HDAC1: variants seen among roughly 807,000 people sequenced by gnomAD.
HDAC1 encodes protein deacetylase HDAC1.
A neutral mutation model predicts 65.5 loss-of-function variants in HDAC1; 18 were observed. The observed-to-expected ratio is 0.27, with a 90% confidence interval of 0.19 to 0.41. The LOEUF is 0.41. HDAC1 is among the 10% of genes least tolerant of loss of function. The pLI is 1.00. For synonymous variants in HDAC1, 211 were observed against 227.9 expected, an observed-to-expected ratio of 0.93 and a Z score of 0.67; for missense variants, 373 against 625.2, an observed-to-expected ratio of 0.60 and a Z score of 4.30.
intron 1 of HDAC1, among the ~76,000 whole-genome samples, chr1:32,300,826 G>A (rs1640838108): frequency 6.6e-6 from 1 of 152,118 alleles, no homozygotes; most frequent in Non-Finnish European, 1.5e-5. Flanking sequence ...TTTCTATATA[G>A]GGCCAGATAG....
rs1641292124 is a variant in HDAC1 at position 32,331,580 on chromosome 1, C to T, written c.1086C>T (p.Ile362=). ...ACACGAATGAGTACCTGGAGAAGAT[C>T]AAGTGAGTATATCCTCCAGCCACCC... is the stretch of plus-strand genomic sequence containing the variant. ...NQNTNEYLEK[I]KQRLFENLRM... is the part of the protein sequence containing the mutation. Residue 362 remains isoleucine (I), a splice_region_variant and synonymous_variant, in exon 10 of 14, where the codon ATC becomes ATT. Transcript: ENST00000373548. The surrounding 1 kb of genome is among the most constrained non-coding windows in gnomAD (Gnocchi z 4.2). 2.5e-6 allele frequency: 4 copies of T among 1,607,200 alleles called. No homozygotes were observed. The South Asian group carries it at 4.4e-5, about 18-fold the overall frequency.
intron 3 of HDAC1, among the ~76,000 whole-genome samples, chr1:32,317,289 C>G (rs966459417): frequency 7.8e-4 from 118 of 152,192 alleles, no homozygotes; most frequent in Non-Finnish European, 1.9e-4. Flanking sequence ...ATCCCTTGGA[C>G]TTGAACTTCA....
intron 3 of HDAC1, 134 bp downstream of exon 3, chr1:32,316,916 G>A: frequency 1.5e-6 from 1 of 679,108 alleles, no homozygotes; most frequent in Non-Finnish European, 2.7e-6. Context: ...AAAGGTGCCA[G>A]AGTGCTTTTT....
At chr1:32,311,894 G>A (rs932319937) in intron 2 of HDAC1, among the ~76,000 whole-genome samples, 7 of 152,194 alleles carry the variant, frequency 4.6e-5, no homozygotes, top group African/African-American at 1.7e-4. Flanking sequence ...AGTCATCTGT[G>A]TAGAAGGGAT....
chr1:32,304,424 G>A (rs188007339), intron 2 of HDAC1, among the ~76,000 whole-genome samples: 7 of 152,156 alleles, frequency 4.6e-5, no homozygotes, highest in East Asian at 1.9e-4. Context: ...CTCTGCTCCC[G>A]AGAGCTCTGC....
intron 4 of HDAC1, among the ~76,000 whole-genome samples, chr1:32,326,373 C>T (rs977934569): frequency 6.6e-6 from 1 of 152,040 alleles, no homozygotes; most frequent in African/African-American, 2.4e-5. Flanking sequence ...CCATGTTGGC[C>T]AGGCTGGTAT....
At position 32,333,250 on chromosome 1, in the gene HDAC1, G is replaced by A. The variant is rs1470968043; in HGVS notation, c.*206G>A. On this transcript the variant is annotated 3_prime_UTR_variant, in exon 14 of 14. Transcript: ENST00000373548. ...AGCCACCTTGCCACCCATTCTTCCC[G>A]TTCTTAACTTTGAACCATAAAGGGT... 3.2e-5 allele frequency: 15 copies of A among 462,806 alleles called. No homozygotes were observed. The highest frequency in any genetic ancestry group is 3.2e-4 in the East Asian group (9 of 28,452). 28.7% of individuals were successfully genotyped at this position (462,806 alleles called of 1,614,324 possible).
At chr1:32,304,807 G>A (rs1033898815) in intron 2 of HDAC1, among the ~76,000 whole-genome samples, 11 of 151,980 alleles carry the variant, frequency 7.2e-5, no homozygotes, top group Admixed American at 3.3e-4. Context: ...AAAGCAATCC[G>A]CCTGCCTCGG....
intron 4 of HDAC1, among the ~76,000 whole-genome samples, 182 bp from the exon 5 acceptor site, chr1:32,326,757 C>A (rs16834957): frequency 0.02 from 2,688 of 137,572 alleles, 87 homozygotes; most frequent in African/African-American, 0.068. Flanking sequence ...TCGTTTTTTA[C>A]GAGTAGACAG....
intron 2 of HDAC1, among the ~76,000 whole-genome samples, chr1:32,303,882 G>A (rs188297259): frequency 4.3e-4 from 65 of 152,198 alleles, no homozygotes; most frequent in African/African-American, 1.5e-3. Context: ...TTAACCCAGA[G>A]TTTTTGCTTT....
At chr1:32,293,400 T>C (rs543508549) in intron 1 of HDAC1, among the ~76,000 whole-genome samples, 13 of 152,160 alleles carry the variant, frequency 8.5e-5, no homozygotes, top group Admixed American at 3.3e-4. Context: ...AGTTGGACTT[T>C]ATTGAGGGCA....
intron 1 of HDAC1, among the ~76,000 whole-genome samples, chr1:32,297,508 A>G (rs557046974): frequency 6.6e-6 from 1 of 152,286 alleles, no homozygotes; most frequent in East Asian, 1.9e-4. Context: ...GCAGTGACCC[A>G]TAATGGCACC....
chr1:32,321,521 G>T (rs915578253), intron 3 of HDAC1, among the ~76,000 whole-genome samples: 1 of 151,916 alleles, frequency 6.6e-6, no homozygotes, highest in African/African-American at 2.4e-5. Context: ...CTTCCCTTTA[G>T]TCTAAAGCTA....
chr1:32,307,105 C>T (rs770860835), intron 2 of HDAC1, among the ~76,000 whole-genome samples: 1 of 152,044 alleles, frequency 6.6e-6, no homozygotes, highest in Non-Finnish European at 1.5e-5. Context: ...ATTAGCCAGA[C>T]GTGGTGGTGC....
In HDAC1 at chr1:32,297,858, C is replaced by T. The variant is rs1401911739; in HGVS notation, c.50-4763C>T. Among the ~76,000 whole-genome samples, 5 of 140,558 alleles carry T rather than the reference C, an allele frequency of 3.6e-5. No homozygotes were observed. The East Asian group carries it at 6.4e-4, about 18-fold the overall frequency. 92.2% of individuals were successfully genotyped at this position (140,558 alleles called of 152,430 possible). A position where few individuals can be genotyped will look rare whatever the true frequency, so the allele number is the denominator to read the frequency against. On this transcript the variant is annotated intron_variant, in intron 1 of 13. Coordinates refer to ENST00000373548, the MANE Select transcript of HDAC1 (RefSeq NM_004964.3). ...AGGCTGGAGCGCAGTGGCGCGATCT[C>T]GGCTCACTGCAACCTCCACCTCCCA...
chr1:32,333,157 A>C lies in HDAC1; in HGVS notation c.*113A>C. ...ATTTATATAAAAATTTATTAAATAT[A>C]AATATCCCCAGGGACAGAAACCAAG... On this transcript the variant is annotated 3_prime_UTR_variant, in exon 14 of 14. Transcript: ENST00000373548. 1 of 909,518 alleles carries C rather than the reference A, an allele frequency of 1.1e-6. No homozygotes were observed. 56.3% of individuals were successfully genotyped at this position (909,518 alleles called of 1,614,324 possible).
At chr1:32,305,099 T>C (rs562996112) in intron 2 of HDAC1, among the ~76,000 whole-genome samples, 31 of 152,356 alleles carry the variant, frequency 2.0e-4, no homozygotes, top group African/African-American at 6.5e-4. Context: ...TTGATTGTTA[T>C]ATAGATGGAG....
intron 13 of HDAC1, 124 bp from the exon 14 acceptor site, chr1:32,332,893 C>A (rs1321323748): frequency 1.7e-6 from 2 of 1,164,384 alleles, no homozygotes; most frequent in Non-Finnish European, 2.5e-6. Flanking sequence ...CTCTGCAGTT[C>A]TAGGCAGAGC....
chr1:32,332,759 G>A lies in HDAC1; in HGVS notation c.1421+10G>A, dbSNP rs201305794. ...AGCCAGAAGCCAAAGGGTGAGGAAG[G>A]AGCTGCCTGTGGCCATCTCCCTGGC... On this transcript the variant is annotated intron_variant, in intron 13 of 13. Transcript: ENST00000373548. 1.3e-6 allele frequency: 2 copies of A among 1,552,570 alleles called. No homozygotes were observed. The highest frequency in any genetic ancestry group is 4.9e-5 in the East Asian group (2 of 41,224).
Sources: allele counts gnomAD v4.1 joint callset (sites outside exome capture counted in the v4.1 genomes callset), GRCh38; gene constraint gnomAD v4.1.1; non-coding constraint Gnocchi (gnomAD v3.1); transcripts MANE v1.5; gene names NCBI Gene and HGNC (gene_info 2026-07-23, HGNC 2026-07-21).